Variants in H2BC12 observed in about 807,000 individuals in gnomAD.
The protein encoded by H2BC12 is H2B clustered histone 12, also known as histone H2B type 1-K.
H2BC12 carries 6 observed loss-of-function variants against 6.3 expected under a neutral mutation model. The observed-to-expected ratio is 0.95, with a 90% CI of 0.52 to 1.87. H2BC12 has a LOEUF of 1.87. Among genes scored for constraint, H2BC12 ranks in the 40% most tolerant of loss-of-function variants. The pLI, the probability that H2BC12 is intolerant of heterozygous loss-of-function variation, is 0.01. For missense variants in H2BC12, 119 were observed against 178.4 expected, an observed-to-expected ratio of 0.67 and a Z score of 1.90; for synonymous variants, 132 against 78.5, an observed-to-expected ratio of 1.68 and a Z score of -3.60.
At chr6:27,139,422 TGCTC>T in the H2BC12 span, 1 of 1,614,080 alleles carries the variant, frequency 6.2e-7, no homozygotes, top group Non-Finnish European at 8.5e-7. Context: ...TTCGGCGCCT[TGCTC>T]GCCGCGGCGG....
chr6:27,143,758 G>A (rs572504629), downstream of H2BC12, among the ~76,000 whole-genome samples: 11 of 150,210 alleles, frequency 7.3e-5, no homozygotes, highest in African/African-American at 2.5e-4. Flanking sequence ...CTGTGCAAGC[G>A]TTCTTCAGCA....
chr6:27,146,795 G>T lies in H2BC12; in HGVS notation c.4C>A (p.Pro2Thr), dbSNP rs1401952680. The T allele has an allele frequency of 6.2e-7, 1 of 1,613,844 alleles. No individual in the cohort carries two copies. The highest frequency in any genetic ancestry group is 1.3e-5 in the African/African-American group (1 of 75,006). ...GCGGGAGCGGACTTCGCTGGTTCCG[G>T]CATGTTGAAGGCGAACTACGAGCCT... is the stretch of plus-strand genomic sequence containing the variant. Reference protein sequence around the residue: MPEPAKSAPAPK... With the variant: MTEPAKSAPAPK... The change falls in exon 1 of 1, where the codon CCG (proline) becomes ACG (threonine). Residue 2 changes from proline to threonine, a missense_variant. Coordinates refer to ENST00000356950, the MANE Select transcript of H2BC12 (RefSeq NM_001312653.2).
At chr6:27,143,337 G>A (rs939127695), downstream of H2BC12, among the ~76,000 whole-genome samples, 4 of 151,194 alleles carry the variant, frequency 2.6e-5, no homozygotes, top group South Asian at 6.2e-4. Flanking sequence ...TGGCGACAGA[G>A]TAAGACTGTC....
chr6:27,143,505 G>A (rs1490007320), downstream of H2BC12, among the ~76,000 whole-genome samples: 1 of 151,796 alleles, frequency 6.6e-6, no homozygotes, highest in Non-Finnish European at 1.5e-5. Flanking sequence ...TTGCTCCTTT[G>A]TATTAAGCAC....
chr6:27,138,880 T>G, the H2BC12 span: 1 of 153,908 alleles, frequency 6.5e-6, no homozygotes, highest in Admixed American at 6.5e-5. Context: ...TTAAATTCTA[T>G]GAGTCTATCT....
the H2BC12 span, chr6:27,139,477 G>C: frequency 6.2e-7 from 1 of 1,614,180 alleles, no homozygotes; most frequent in Non-Finnish European, 8.5e-7. Flanking sequence ...GGAGACCCGC[G>C]GAGTGTTGAA....
rs1407235460 is a variant in H2BC12 at position 27,146,753 on chromosome 6, T to C, written c.46A>G (p.Lys16Glu). 6.2e-7 allele frequency: 1 copy of C among 1,614,122 alleles called. No homozygotes were observed. Among genetic ancestry groups the C allele is most frequent in the African/African-American group, 1.3e-5 (1 of 74,948 alleles). ...KSAPAPKKGS[K>E]KAVTKAQKKD... ...TTCTGCGCCTTAGTCACGGCTTTCT[T>C]CGAGCCCTTCTTGGGCGCGGGAGCG... The change falls in exon 1 of 1, where the codon AAG becomes GAG. Residue 16 changes from lysine to glutamate, a missense_variant. Around this residue, in one of 2 missense-constraint regions of H2BC12, gnomAD observed 50 missense variants for 37.4 expected, o/e 1.34. Transcript: ENST00000356950.
chr6:27,138,742 C>A, the H2BC12 span: 2 of 152,158 alleles, frequency 1.3e-5, no homozygotes, highest in Non-Finnish European at 1.5e-5. Flanking sequence ...AGACTTGTTT[C>A]TGAGAACCCT....
chr6:27,139,745 C>G, the H2BC12 span: 4 of 1,390,402 alleles, frequency 2.9e-6, no homozygotes, highest in Non-Finnish European at 3.8e-6. Flanking sequence ...TGAGTTCTGT[C>G]ATCCTATTTT....
At chr6:27,139,299 C>T in the H2BC12 span, 13 of 1,595,438 alleles carry the variant, frequency 8.1e-6, no homozygotes, top group South Asian at 4.5e-5. Flanking sequence ...TGTTCTCTGA[C>T]CACTTGATAA....
chr6:27,139,465 GA>G, the H2BC12 span: 1 of 1,614,096 alleles, frequency 6.2e-7, no homozygotes, highest in African/African-American at 1.3e-5. Context: ...CCTCATCTAT[GA>G]GGAGACCCGC....
At chr6:27,146,081 G>T (rs1480903052), downstream of H2BC12, among the ~76,000 whole-genome samples, 1 of 152,190 alleles carries the variant, frequency 6.6e-6, no homozygotes, top group Non-Finnish European at 1.5e-5. Context: ...GTTCTAACAG[G>T]AAGTCACAGC....
chr6:27,143,935 T>A (rs960829000), downstream of H2BC12, among the ~76,000 whole-genome samples: 2 of 150,084 alleles, frequency 1.3e-5, no homozygotes, highest in African/African-American at 4.9e-5. Context: ...TTATGAAATA[T>A]ACAAATAAAT....
At position 27,146,807 on chromosome 6, in the gene H2BC12, C is replaced by T. The variant is rs777429569; in HGVS notation, c.-9G>A. 21 of 1,613,120 alleles carry T rather than the reference C, an allele frequency of 1.3e-5. No individual in the cohort carries two copies. The highest frequency in any genetic ancestry group is 8.3e-5 in the Admixed American group (5 of 59,886). ...TTCGCTGGTTCCGGCATGTTGAAGG[C>T]GAACTACGAGCCTGAGACGAGCAGC... On this transcript the variant is annotated 5_prime_UTR_variant, in exon 1 of 1. Coordinates refer to ENST00000356950, the MANE Select transcript of H2BC12 (RefSeq NM_001312653.2).
At chr6:27,139,323 CA>C in the H2BC12 span, 1 of 1,609,814 alleles carries the variant, frequency 6.2e-7, no homozygotes, top group Non-Finnish European at 8.5e-7. Flanking sequence ...CAGGACGCGG[CA>C]AAGGAGGTAA....
At chr6:27,139,301 A>C in the H2BC12 span, 1 of 1,597,512 alleles carries the variant, frequency 6.3e-7, no homozygotes, top group African/African-American at 1.3e-5. Flanking sequence ...TTCTCTGACC[A>C]CTTGATAATG....
chr6:27,146,585 C>G lies in H2BC12; in HGVS notation c.214G>C (p.Glu72Gln). 1 of 1,614,226 alleles carries G rather than the reference C, an allele frequency of 6.2e-7. No homozygotes were observed. The highest frequency in any genetic ancestry group is 8.5e-7 in the Non-Finnish European group (1 of 1,180,046). ...CGGGAAGCCTCACCCGCGATGCGTT[C>G]GAAGATGTCGTTGACGAAGGAGTTC... ...IMNSFVNDIF[E>Q]RIAGEASRLA... is the part of the protein sequence containing the mutation. Residue 72 changes from glutamate (E) to glutamine (Q), a missense_variant, in exon 1 of 1, where the codon GAA (glutamate) becomes CAA (glutamine). Coordinates refer to ENST00000356950, the MANE Select transcript of H2BC12 (RefSeq NM_001312653.2).
the H2BC12 span, chr6:27,138,858 C>T: frequency 1.3e-5 from 2 of 152,870 alleles, no homozygotes; most frequent in African/African-American, 4.8e-5. Flanking sequence ...TAGCAATATA[C>T]CTGAACGATC....
chr6:27,139,492 T>A, the H2BC12 span: 4 of 1,614,132 alleles, frequency 2.5e-6, no homozygotes, highest in Non-Finnish European at 3.4e-6. Context: ...GTTGAAGGTG[T>A]TCCTGGAGAA....
Sources: gnomAD v4.1 joint callset for allele counts (sites outside exome capture counted in the v4.1 genomes callset) on GRCh38, gnomAD v4.1.1 for gene constraint, gnomAD v4.1.1 regional missense constraint, MANE v1.5 for transcripts, NCBI Gene and HGNC (gene_info 2026-07-23, HGNC 2026-07-21) for gene names.